Variants in UNC5C observed in about 807,000 individuals in gnomAD.
UNC5C encodes unc-5 netrin receptor C.
UNC5C carries 47 observed loss-of-function variants against 99.8 expected under a neutral mutation model. The observed-to-expected ratio is 0.47, with a 90% confidence interval of 0.37 to 0.60. UNC5C has a LOEUF of 0.60. Among genes scored for constraint, UNC5C ranks in the 20% least tolerant of loss-of-function variants. The pLI, the probability that UNC5C is intolerant of heterozygous loss-of-function variation, is 0.00. For missense variants in UNC5C, 1,062 were observed against 1,165.9 expected, an observed-to-expected ratio of 0.91 and a Z score of 1.30; for synonymous variants, 487 against 452.2, an observed-to-expected ratio of 1.08 and a Z score of -0.98.
rs755102648 is a variant in UNC5C at position 95,201,760 on chromosome 4, T to C, written c.2136+971A>G. The stretch of plus-strand genomic sequence containing the variant: ...CTGGGACTACAGATGCCTGCCATCA[T>C]GCCCGGCTAATTTTTTTGTATTTTT... On this transcript the variant is annotated intron_variant, in intron 12 of 15. Coordinates refer to ENST00000453304, the MANE Select transcript of UNC5C (RefSeq NM_003728.4). Among the ~76,000 whole-genome samples the C allele has an allele frequency of 3.4e-4, 52 of 152,084 alleles. 1 individual carries two copies. The highest frequency in any genetic ancestry group is 2.1e-4 in the South Asian group (1 of 4,808).
chr4:95,182,459 C>G (rs1331185359), intron 14 of UNC5C, among the ~76,000 whole-genome samples: 1 of 151,972 alleles, frequency 6.6e-6, no homozygotes, highest in African/African-American at 2.4e-5. Flanking sequence ...TCCACTCCAC[C>G]CAGCAGCAGG....
intron 1 of UNC5C, among the ~76,000 whole-genome samples, chr4:95,485,944 C>T (rs183811129): frequency 6.6e-5 from 10 of 151,062 alleles, no homozygotes; most frequent in Admixed American, 2.6e-4. Context: ...AAGAACCCTG[C>T]GATCATCAAA....
chr4:95,419,277 T>C (rs1746253534), intron 1 of UNC5C, among the ~76,000 whole-genome samples: 1 of 152,106 alleles, frequency 6.6e-6, no homozygotes, highest in Non-Finnish European at 1.5e-5. Context: ...AATGTCAACA[T>C]ATATGGAAAA....
chr4:95,175,964 A>G (rs552655735), intron 14 of UNC5C, among the ~76,000 whole-genome samples: 3 of 151,076 alleles, frequency 2.0e-5, no homozygotes, highest in Admixed American at 6.6e-5. Flanking sequence ...TTTTTCTCTA[A>G]ACTTCCTTCT....
intron 7 of UNC5C, among the ~76,000 whole-genome samples, chr4:95,224,827 G>A (rs1342390479): frequency 5.4e-5 from 8 of 149,078 alleles, no homozygotes; most frequent in African/African-American, 2.0e-4. Flanking sequence ...ATATCAGGAT[G>A]GCCAACTTAG....
intron 14 of UNC5C, among the ~76,000 whole-genome samples, chr4:95,174,227 G>C (rs1028446985): frequency 6.6e-6 from 1 of 151,234 alleles, no homozygotes; most frequent in African/African-American, 2.4e-5. Flanking sequence ...AGGGTTTTTT[G>C]TGTCTCTATT....
At chr4:95,223,308 G>A (rs994064985) in intron 7 of UNC5C, among the ~76,000 whole-genome samples, 1 of 152,144 alleles carries the variant, frequency 6.6e-6, no homozygotes, top group Admixed American at 6.5e-5. Context: ...ATAAAATGAA[G>A]ATGACTAAGA....
intron 12 of UNC5C, among the ~76,000 whole-genome samples, chr4:95,188,921 A>G (rs901305796): frequency 6.6e-6 from 1 of 152,202 alleles, no homozygotes; most frequent in Non-Finnish European, 1.5e-5. Flanking sequence ...TAACCACAAC[A>G]CAGTGTGCTC....
intron 1 of UNC5C, among the ~76,000 whole-genome samples, chr4:95,472,780 C>T (rs1277559249): frequency 2.0e-5 from 3 of 152,030 alleles, no homozygotes; most frequent in Admixed American, 6.6e-5. Flanking sequence ...AAACACTGTT[C>T]AGGCTTATTA....
At chr4:95,525,020 G>C (rs1722461730) in intron 1 of UNC5C, among the ~76,000 whole-genome samples, 1 of 152,028 alleles carries the variant, frequency 6.6e-6, no homozygotes, top group Non-Finnish European at 1.5e-5. Flanking sequence ...CAAATTAATG[G>C]GTCACCGAAG....
At chr4:95,205,869 C>T (rs964531349) in intron 11 of UNC5C, among the ~76,000 whole-genome samples, 1 of 152,142 alleles carries the variant, frequency 6.6e-6, no homozygotes, top group Non-Finnish European at 1.5e-5. Context: ...TTTGGAGACA[C>T]ACCCTTTCTG....
chr4:95,222,076 A>G, intron 7 of UNC5C: 1 of 558,388 alleles, frequency 1.8e-6, no homozygotes, highest in Non-Finnish European at 2.8e-6. Flanking sequence ...AATCTAATTT[A>G]TTTTTCATGT....
intron 14 of UNC5C, among the ~76,000 whole-genome samples, chr4:95,178,533 A>C (rs28530692): frequency 6.6e-6 from 1 of 152,208 alleles, no homozygotes; most frequent in Non-Finnish European, 1.5e-5. Context: ...TGCCCCACAC[A>C]CAAGAAGCTA....
intron 3 of UNC5C, 99 bp from the exon 4 acceptor site, chr4:95,278,461 C>T (rs973977030): frequency 5.9e-6 from 5 of 847,652 alleles, no homozygotes; most frequent in Middle Eastern, 2.6e-4. Flanking sequence ...TTTATCTGTG[C>T]TTTTTTTTCT....
intron 1 of UNC5C, among the ~76,000 whole-genome samples, chr4:95,427,157 A>G (rs1448442249): frequency 6.6e-6 from 1 of 152,164 alleles, no homozygotes; most frequent in African/African-American, 2.4e-5. Flanking sequence ...GAACATGAAG[A>G]TGTGACTGAA....
At chr4:95,337,505 T>G (rs1277511100) in intron 1 of UNC5C, among the ~76,000 whole-genome samples, 1 of 152,012 alleles carries the variant, frequency 6.6e-6, no homozygotes, top group African/African-American at 2.4e-5. Context: ...TTCTTCTGAT[T>G]ATTTTATTGT....
intron 2 of UNC5C, among the ~76,000 whole-genome samples, chr4:95,309,642 A>C (rs767713777): frequency 1.3e-5 from 2 of 152,202 alleles, no homozygotes; most frequent in Non-Finnish European, 2.9e-5. Context: ...CACGTTTCAA[A>C]AGAAGACATA....
At chr4:95,371,435 A>C (rs10588813) in intron 1 of UNC5C, among the ~76,000 whole-genome samples, 5 of 41,712 alleles carry the variant, frequency 1.2e-4, no homozygotes, top group African/African-American at 4.4e-4. Context: ...GGGGGGGGGG[A>C]GTATCAAATG....
At chr4:95,178,444 T>C (rs1053293302) in intron 14 of UNC5C, among the ~76,000 whole-genome samples, 3 of 117,396 alleles carry the variant, frequency 2.6e-5, no homozygotes, top group Admixed American at 9.6e-5. Flanking sequence ...GGTTACTGCC[T>C]TTTATTTCTC....
Sources: gnomAD v4.1 joint callset for allele counts (sites outside exome capture counted in the v4.1 genomes callset) on GRCh38, gnomAD v4.1.1 for gene constraint, MANE v1.5 for transcripts, NCBI Gene and HGNC (gene_info 2026-07-23, HGNC 2026-07-21) for gene names.